The following DCC variants were observed in gnomAD, a reference collection of about 807,000 sequenced individuals.
DCC encodes netrin receptor DCC.
Under a neutral mutation model 172.5 loss-of-function variants are expected in DCC, and 58 were observed. The ratio of observed to expected loss-of-function variants is 0.34; its 90% CI spans 0.27 to 0.42. The LOEUF (loss-of-function observed/expected upper bound fraction) is 0.42. DCC is among the 10% of genes least tolerant of loss of function. The pLI, the probability that DCC is intolerant of heterozygous loss-of-function variation, is 1.00. For missense variants in DCC, 1,740 were observed against 1,791.0 expected, an observed-to-expected ratio of 0.97 and a Z score of 0.51; for synonymous variants, 709 against 644.5, an observed-to-expected ratio of 1.10 and a Z score of -1.52.
intron 2 of DCC, among the ~76,000 whole-genome samples, chr18:52,791,727 C>T (rs573176130): frequency 6.6e-6 from 1 of 152,192 alleles, no homozygotes; most frequent in South Asian, 2.1e-4. Context: ...GCACTTTCCT[C>T]CTTGATGGAG....
intron 20 of DCC, among the ~76,000 whole-genome samples, chr18:53,415,353 A>G (rs1910248521): frequency 6.6e-6 from 1 of 152,212 alleles, no homozygotes; most frequent in African/African-American, 2.4e-5. Flanking sequence ...AAGACGGTCA[A>G]GTCTAGGTAA....
chr18:53,063,222 G>A, intron 5 of DCC, 83 bp from the exon 6 acceptor site: 3 of 1,259,414 alleles, frequency 2.4e-6, no homozygotes, highest in South Asian at 2.4e-5. Context: ...CCAGAGCAGT[G>A]TTTTAAACTC....
At chr18:52,555,322 G>GT (rs1321119988) in intron 1 of DCC, among the ~76,000 whole-genome samples, 4 of 152,068 alleles carry the variant, frequency 2.6e-5, no homozygotes, top group Admixed American at 1.3e-4. Context: ...CTTTTCTAGG[G>GT]TCATGTGCTG....
Position 53,068,070 on chromosome 18 carries a change from C to T in DCC, c.1261+1904C>T, listed in dbSNP as rs144528177. 6.5e-3 allele frequency among the ~76,000 whole-genome samples: 993 copies of T among 152,244 alleles called. 4 individuals are homozygous for T. Among genetic ancestry groups the T allele is most frequent in the Non-Finnish European group, 0.011 (717 of 68,020 alleles). ...GGAACTATGTAGGAATTAAAAGGAGCAATTAACTCTGGCTCAAGATCACCA... is the reference window on the plus strand; with the variant it reads ...GGAACTATGTAGGAATTAAAAGGAGTAATTAACTCTGGCTCAAGATCACCA... On this transcript the variant is annotated intron_variant, in intron 7 of 28. Transcript: ENST00000442544.
intron 2 of DCC, among the ~76,000 whole-genome samples, chr18:52,787,164 A>C (rs2037675391): frequency 6.6e-6 from 1 of 152,146 alleles, no homozygotes; most frequent in Non-Finnish European, 1.5e-5. Context: ...TATTCCAAAA[A>C]GGTTGCTTTA....
intron 5 of DCC, among the ~76,000 whole-genome samples, chr18:52,970,119 C>G (rs1189509441): frequency 1.3e-5 from 2 of 152,156 alleles, no homozygotes; most frequent in East Asian, 3.9e-4. Context: ...ATCTTAAATG[C>G]TCCTAGGAAG....
intron 14 of DCC, among the ~76,000 whole-genome samples, chr18:53,324,033 G>T (rs1409103709): frequency 2.6e-5 from 4 of 152,072 alleles, no homozygotes; most frequent in African/African-American, 4.8e-5. Context: ...AGTCCTCAAA[G>T]GTTGATTTAA....
intron 16 of DCC, among the ~76,000 whole-genome samples, chr18:53,390,695 A>G (rs923603557): frequency 6.6e-6 from 1 of 152,224 alleles, no homozygotes. Flanking sequence ...TCACAGCATA[A>G]ACATGATTAC....
chr18:52,585,352 T>A (rs1331827736), intron 1 of DCC, among the ~76,000 whole-genome samples: 4 of 152,184 alleles, frequency 2.6e-5, no homozygotes, highest in Non-Finnish European at 5.9e-5. Flanking sequence ...ATATAAATTA[T>A]CACCTGTAAC....
intron 1 of DCC, among the ~76,000 whole-genome samples, chr18:52,397,104 A>C (rs1438295465): frequency 6.6e-6 from 1 of 152,036 alleles, no homozygotes; most frequent in Non-Finnish European, 1.5e-5. Context: ...GATTATGTAT[A>C]CTACATCTTT....
intron 9 of DCC, among the ~76,000 whole-genome samples, chr18:53,194,053 A>C (rs1430974657): frequency 1.3e-5 from 2 of 152,202 alleles, no homozygotes; most frequent in African/African-American, 2.4e-5. Context: ...AATTTTGAGA[A>C]AGGTTGCTGG....
intron 23 of DCC, among the ~76,000 whole-genome samples, chr18:53,454,934 G>A (rs1568142857): frequency 6.6e-6 from 1 of 152,006 alleles, no homozygotes; most frequent in Non-Finnish European, 1.5e-5. Flanking sequence ...TGAGTATCTG[G>A]AATTTGACCT....
intron 2 of DCC, among the ~76,000 whole-genome samples, chr18:52,851,332 C>T (rs542841478): frequency 2.6e-5 from 4 of 152,140 alleles, no homozygotes; most frequent in African/African-American, 9.6e-5. Context: ...TTAAGACTTA[C>T]TCCAGAAAAT....
chr18:53,383,360 C>T (rs776459113), intron 15 of DCC, among the ~76,000 whole-genome samples: 1 of 151,744 alleles, frequency 6.6e-6, no homozygotes, highest in Non-Finnish European at 1.5e-5. Flanking sequence ...CTTTAAAATA[C>T]CTTTATCAAA....
At chr18:52,768,638 G>A (rs1353131437) in intron 2 of DCC, among the ~76,000 whole-genome samples, 1 of 152,102 alleles carries the variant, frequency 6.6e-6, no homozygotes, top group African/African-American at 2.4e-5. Flanking sequence ...TTTTTCTAAA[G>A]CTTTACAACA....
intron 1 of DCC, among the ~76,000 whole-genome samples, chr18:52,600,266 G>T (rs1144096): frequency 0.77 from 116,895 of 151,984 alleles, 46,133 homozygotes; most frequent in Middle Eastern, 0.9. Flanking sequence ...GAAATGACCA[G>T]GTTTTCCTCA....
intron 12 of DCC, among the ~76,000 whole-genome samples, chr18:53,253,462 A>G (rs902096089): frequency 9.2e-5 from 14 of 152,186 alleles, no homozygotes; most frequent in African/African-American, 2.9e-4. Flanking sequence ...CACAGCTTCA[A>G]TTAAAGGTGA....
chr18:52,651,723 T>A (rs1203026343), intron 1 of DCC, among the ~76,000 whole-genome samples: 1 of 152,116 alleles, frequency 6.6e-6, no homozygotes, highest in Non-Finnish European at 1.5e-5. Context: ...ATTCCACAAG[T>A]GCTTATGGGA....
intron 2 of DCC, among the ~76,000 whole-genome samples, chr18:52,812,226 G>T (rs2038214743): frequency 6.6e-6 from 1 of 152,038 alleles, no homozygotes; most frequent in African/African-American, 2.4e-5. Context: ...TACCCTTTCT[G>T]ATATTATTTT....
Sources: allele counts gnomAD v4.1 joint callset (sites outside exome capture counted in the v4.1 genomes callset), GRCh38; gene constraint gnomAD v4.1.1; transcripts MANE v1.5; gene names NCBI Gene and HGNC (gene_info 2026-07-23, HGNC 2026-07-21).